PRP4K: variants seen among roughly 807,000 people sequenced by gnomAD.
PRP4K encodes the protein pre-mRNA processing factor kinase PRP4K.
At chr6:4,037,408 G>A in the PRP4K span, 24 of 1,607,234 alleles carry the variant, frequency 1.5e-5, no homozygotes, top group Admixed American at 1.7e-4. Flanking sequence ...ACACGACCTC[G>A]AGATGATATC....
the PRP4K span, among the ~76,000 whole-genome samples, chr6:4,029,727 A>G: frequency 6.6e-6 from 1 of 151,878 alleles, no homozygotes; most frequent in African/African-American, 2.4e-5. Flanking sequence ...TGCTTAACAA[A>G]TTGGTTTCTT....
chr6:4,053,782 TCTC>T, the PRP4K span, among the ~76,000 whole-genome samples: 1 of 152,142 alleles, frequency 6.6e-6, no homozygotes, highest in Non-Finnish European at 1.5e-5. Context: ...CTTTATCAGT[TCTC>T]CTACAGTTGA....
At chr6:4,031,945 G>T in the PRP4K span, 1 of 1,614,040 alleles carries the variant, frequency 6.2e-7, no homozygotes, top group Non-Finnish European at 8.5e-7. Context: ...TATGAGTCTG[G>T]CTCTGAAGAA....
At chr6:4,058,600 G>C in the PRP4K span, 1 of 718,642 alleles carries the variant, frequency 1.4e-6, no homozygotes, top group Non-Finnish European at 2.4e-6. Flanking sequence ...GGGATCAAGG[G>C]AATCTGAGAT....
chr6:4,041,563 A>G, the PRP4K span, among the ~76,000 whole-genome samples: 16 of 152,190 alleles, frequency 1.1e-4, no homozygotes, highest in African/African-American at 3.9e-4. Context: ...AAAAAACAAA[A>G]ATAAATAAAA....
the PRP4K span, chr6:4,060,418 A>G: frequency 1.9e-6 from 3 of 1,612,266 alleles, no homozygotes; most frequent in Non-Finnish European, 2.5e-6. This position sits in a 1 kb window ranked among gnomAD's most constrained non-coding sequence, Gnocchi z 4.7. Flanking sequence ...TTTAGGAGAA[A>G]GTTACTGTTA....
chr6:4,038,560 G>C, the PRP4K span, among the ~76,000 whole-genome samples: 1 of 151,910 alleles, frequency 6.6e-6, no homozygotes, highest in African/African-American at 2.4e-5. Context: ...ACTGCACCCA[G>C]CCACAATGAG....
chr6:4,029,012 C>CTTTTTTTTT, the PRP4K span, among the ~76,000 whole-genome samples: 4 of 132,474 alleles, frequency 3.0e-5, no homozygotes, highest in Admixed American at 7.7e-5. Flanking sequence ...TACTTGGAAT[C>CTTTTTTTTT]TTTTTTTTTT....
chr6:4,022,706 A>C, the PRP4K span, among the ~76,000 whole-genome samples: 14 of 152,186 alleles, frequency 9.2e-5, no homozygotes, highest in Non-Finnish European at 1.8e-4. Context: ...TATTATTTTT[A>C]CAATTTGACT....
At chr6:4,023,461 CCTG>C in the PRP4K span, among the ~76,000 whole-genome samples, 1 of 152,172 alleles carries the variant, frequency 6.6e-6, no homozygotes, top group African/African-American at 2.4e-5. Flanking sequence ...GTTCTAAAGC[CCTG>C]CTGCTAACTA....
At chr6:4,040,633 A>C in the PRP4K span, 2 of 898,306 alleles carry the variant, frequency 2.2e-6, no homozygotes, top group Middle Eastern at 6.9e-4. Context: ...AAAATAGACT[A>C]TATTTTAGAA....
chr6:4,059,131 C>T, the PRP4K span, among the ~76,000 whole-genome samples: 41 of 152,156 alleles, frequency 2.7e-4, no homozygotes, highest in African/African-American at 8.9e-4. Flanking sequence ...GAAAACATAT[C>T]TGGTCATGTT....
the PRP4K span, among the ~76,000 whole-genome samples, chr6:4,052,354 G>A: frequency 6.6e-6 from 1 of 152,144 alleles, no homozygotes; most frequent in East Asian, 1.9e-4. Context: ...CACCTCCCGG[G>A]TTCAACAGAG....
At chr6:4,055,301 T>G in the PRP4K span, among the ~76,000 whole-genome samples, 3 of 152,242 alleles carry the variant, frequency 2.0e-5, no homozygotes, top group Non-Finnish European at 4.4e-5. Context: ...GCTTACACTT[T>G]AAAAAGTTTT....
chr6:4,050,478 T>C, the PRP4K span: 4 of 264,146 alleles, frequency 1.5e-5, no homozygotes, highest in South Asian at 1.1e-4. Context: ...GTCTGTCTTA[T>C]GCCGTCCTTT....
the PRP4K span, among the ~76,000 whole-genome samples, chr6:4,024,236 A>G: frequency 6.6e-6 from 1 of 152,028 alleles, no homozygotes; most frequent in South Asian, 2.1e-4. Flanking sequence ...TTCTTGAACT[A>G]CTGGGCTCAA....
At chr6:4,031,832 G>A in the PRP4K span, 1 of 1,614,044 alleles carries the variant, frequency 6.2e-7, no homozygotes, top group Non-Finnish European at 8.5e-7. Flanking sequence ...ATTTAGCTTT[G>A]CTAGAAGACT....
the PRP4K span, among the ~76,000 whole-genome samples, chr6:4,037,909 G>T: frequency 2.7e-5 from 4 of 149,536 alleles, no homozygotes; most frequent in African/African-American, 7.4e-5. Flanking sequence ...TAAATATATA[G>T]CCCAGTTTCT....
chr6:4,043,458 A>G, the PRP4K span, among the ~76,000 whole-genome samples: 4 of 152,120 alleles, frequency 2.6e-5, no homozygotes, highest in Admixed American at 6.6e-5. Flanking sequence ...ATTATGTGCC[A>G]TCAGTGGGGT....
Sources: allele counts gnomAD v4.1 joint callset (sites outside exome capture counted in the v4.1 genomes callset), GRCh38; gene constraint gnomAD v4.1.1; non-coding constraint Gnocchi (gnomAD v3.1); transcripts MANE v1.5; gene names NCBI Gene and HGNC (gene_info 2026-07-23, HGNC 2026-07-21).